PLPP4: variants seen among roughly 807,000 people sequenced by gnomAD.
PLPP4 encodes the protein phospholipid phosphatase 4.
In PLPP4, 20 loss-of-function variants were observed where a neutral mutation model predicts 32.2. That is an observed-to-expected ratio of 0.62 (90% CI 0.44 to 0.90). The LOEUF (loss-of-function observed/expected upper bound fraction) is 0.90, where lower values mean the gene tolerates loss of function less well. PLPP4 is among the 40% of genes least tolerant of loss of function. The pLI, the probability that PLPP4 is intolerant of heterozygous loss-of-function variation, is 0.00. For missense variants in PLPP4, 257 were observed against 353.1 expected (o/e 0.73, Z 2.18); for synonymous variants, 127 against 133.0 (o/e 0.95, Z 0.31).
At chr10:120,577,984 T>A (rs1423552209) in intron 6 of PLPP4, among the ~76,000 whole-genome samples, 1 of 152,194 alleles carries the variant, frequency 6.6e-6, no homozygotes, top group African/African-American at 2.4e-5. Flanking sequence ...GTGCTACTAC[T>A]GCCATCCAAT....
At chr10:120,511,141 C>T (rs916572166) in intron 2 of PLPP4, among the ~76,000 whole-genome samples, 1 of 152,162 alleles carries the variant, frequency 6.6e-6, no homozygotes, top group Non-Finnish European at 1.5e-5. Context: ...TAAATTAAGT[C>T]CAGCCTTGTT....
intron 1 of PLPP4, among the ~76,000 whole-genome samples, chr10:120,485,402 A>G (rs1231420889): frequency 6.6e-6 from 1 of 152,120 alleles, no homozygotes; most frequent in East Asian, 1.9e-4. Context: ...TCTTTTCCAT[A>G]CCCAAACCCT....
rs765055814 is a variant in PLPP4 at position 120,476,898 on chromosome 10, C to CT, written c.56+19539dup. Among the ~76,000 whole-genome samples, 6 of 152,282 alleles carry CT rather than the reference C, an allele frequency of 3.9e-5. No homozygotes were observed. In the South Asian group the frequency reaches 6.2e-4, roughly 16 times the overall value. Reference sequence around the variant, plus strand: ...GTGCTTGGCTAAAGCTTTCCTTACCCTTCTTCTTGCCCCTGTCTTTAGAGC... The same window carrying CT: ...GTGCTTGGCTAAAGCTTTCCTTACCCTTTCTTCTTGCCCCTGTCTTTAGAGC... On this transcript the variant is annotated intron_variant, in intron 1 of 6. Transcript: ENST00000398250.
intron 5 of PLPP4, among the ~76,000 whole-genome samples, chr10:120,564,911 A>T (rs1427744924): frequency 6.6e-6 from 1 of 152,132 alleles, no homozygotes; most frequent in African/African-American, 2.4e-5. Context: ...CACATATTTA[A>T]AGCCTTATTC....
At chr10:120,481,158 G>A (rs1480359538) in intron 1 of PLPP4, among the ~76,000 whole-genome samples, 1 of 152,218 alleles carries the variant, frequency 6.6e-6, no homozygotes, top group Admixed American at 6.5e-5. Context: ...GGTGGAGTCT[G>A]GGTCCCACAC....
intron 2 of PLPP4, among the ~76,000 whole-genome samples, chr10:120,505,847 T>A (rs1845465686): frequency 6.6e-6 from 1 of 152,228 alleles, no homozygotes; most frequent in Non-Finnish European, 1.5e-5. Context: ...ATGAGTTTAC[T>A]CAATGGCTTT....
At chr10:120,542,882 A>G (rs1036743486) in intron 5 of PLPP4, among the ~76,000 whole-genome samples, 5 of 152,206 alleles carry the variant, frequency 3.3e-5, no homozygotes, top group East Asian at 3.8e-4. Flanking sequence ...TGCATTTGCA[A>G]CATGTAGTGG....
intron 5 of PLPP4, among the ~76,000 whole-genome samples, chr10:120,562,407 C>G (rs1319162396): frequency 6.6e-6 from 1 of 151,936 alleles, no homozygotes; most frequent in Admixed American, 6.6e-5. Flanking sequence ...TTTTTCGTTT[C>G]TAATTCCTAA....
At chr10:120,515,295 C>T (rs1845891509) in intron 3 of PLPP4, among the ~76,000 whole-genome samples, 1 of 152,200 alleles carries the variant, frequency 6.6e-6, no homozygotes, top group South Asian at 2.1e-4. Flanking sequence ...TGGCTCATGA[C>T]CACTGCAATG....
At chr10:120,547,589 T>C (rs4752432) in intron 5 of PLPP4, among the ~76,000 whole-genome samples, 129,177 of 152,200 alleles carry the variant, frequency 0.85, 55,284 homozygotes, top group East Asian at 0.96. Flanking sequence ...TTCAGTACAA[T>C]GTGAAACTTC....
intron 5 of PLPP4, among the ~76,000 whole-genome samples, chr10:120,574,174 T>A (rs1435083532): frequency 0.018 from 938 of 53,222 alleles, 1 homozygote; most frequent in African/African-American, 0.049. Context: ...ACACACTCTC[T>A]CTCTCTCTCT....
At chr10:120,580,780 A>G in intron 6 of PLPP4, 1 of 778,318 alleles carries the variant, frequency 1.3e-6, no homozygotes, top group Non-Finnish European at 1.8e-6. Flanking sequence ...ATCCCTTGGA[A>G]CAATATGATT....
At chr10:120,526,615 T>G (rs568316042) in intron 5 of PLPP4, among the ~76,000 whole-genome samples, 1 of 152,300 alleles carries the variant, frequency 6.6e-6, no homozygotes, top group Non-Finnish European at 1.5e-5. Context: ...TCTCCCTATT[T>G]TCCATCTGTT....
intron 3 of PLPP4, among the ~76,000 whole-genome samples, chr10:120,514,709 G>A (rs1845868579): frequency 6.6e-6 from 1 of 152,070 alleles, no homozygotes; most frequent in Non-Finnish European, 1.5e-5. Flanking sequence ...TAGCCAAAAC[G>A]ACTTGGCTTG....
intron 5 of PLPP4, among the ~76,000 whole-genome samples, chr10:120,560,457 A>C (rs1848379856): frequency 6.6e-6 from 1 of 152,226 alleles, no homozygotes; most frequent in South Asian, 2.1e-4. Flanking sequence ...GGTTTTTGAC[A>C]TTAAAAATAA....
chr10:120,579,609 A>T (rs1456370668), intron 6 of PLPP4, among the ~76,000 whole-genome samples: 1 of 152,208 alleles, frequency 6.6e-6, no homozygotes, highest in Admixed American at 6.5e-5. Context: ...CCCAGGCAGA[A>T]GCTATTCCCT....
At chr10:120,479,796 G>A (rs928753042) in intron 1 of PLPP4, among the ~76,000 whole-genome samples, 7 of 152,226 alleles carry the variant, frequency 4.6e-5, no homozygotes, top group African/African-American at 1.7e-4. Context: ...GAGATGAAAT[G>A]GTGACAGATG....
chr10:120,530,463 C>G (rs571718787), intron 5 of PLPP4, among the ~76,000 whole-genome samples: 1 of 152,074 alleles, frequency 6.6e-6, no homozygotes, highest in Non-Finnish European at 1.5e-5. Flanking sequence ...GTCTTGAAAT[C>G]CATATATGTT....
At chr10:120,572,963 A>G (rs1300056138) in intron 5 of PLPP4, among the ~76,000 whole-genome samples, 3 of 152,220 alleles carry the variant, frequency 2.0e-5, no homozygotes, top group Non-Finnish European at 2.9e-5. Flanking sequence ...AGAATACTTA[A>G]TATCTATTGG....
Sources: allele counts gnomAD v4.1 joint callset (sites outside exome capture counted in the v4.1 genomes callset), GRCh38; gene constraint gnomAD v4.1.1; transcripts MANE v1.5; gene names NCBI Gene and HGNC (gene_info 2026-07-23, HGNC 2026-07-21).